The following ABHD5 variants were observed in gnomAD, a reference collection of about 807,000 sequenced individuals.
ABHD5 encodes the protein abhydrolase domain containing 5, lysophosphatidic acid acyltransferase.
ABHD5 carries 30 observed loss-of-function variants against 44.9 expected under a neutral mutation model. That is an observed-to-expected ratio of 0.67 (90% CI 0.50 to 0.91). The LOEUF is 0.91. ABHD5 is among the 40% of genes least tolerant of loss of function. ABHD5 has a pLI of 0.00. For missense variants in ABHD5, 399 were observed against 423.4 expected (o/e 0.94, Z 0.50); for synonymous variants, 167 against 147.0 (o/e 1.14, Z -0.99).
At chr3:43,707,990 C>G (rs890696025) in intron 3 of ABHD5, among the ~76,000 whole-genome samples, 1 of 152,198 alleles carries the variant, frequency 6.6e-6, no homozygotes, top group Non-Finnish European at 1.5e-5. Flanking sequence ...TCATGAAGGT[C>G]AGGCTTATCT....
chr3:43,695,398 G>A (rs114154348), intron 1 of ABHD5, among the ~76,000 whole-genome samples: 13,083 of 152,124 alleles, frequency 0.086, 768 homozygotes, highest in South Asian at 0.21. Context: ...ATGAGATAGA[G>A]AGCTGTGCTT....
At chr3:43,691,620 A>G (rs2084387879) in intron 1 of ABHD5, 1 of 152,308 alleles carries the variant, frequency 6.6e-6, no homozygotes. Flanking sequence ...TCGCCCGGGA[A>G]GCGGCGGGAG....
intron 4 of ABHD5, 143 bp from the exon 5 acceptor site, chr3:43,714,804 C>T (rs1346540605): frequency 1.7e-6 from 1 of 576,228 alleles, no homozygotes; most frequent in Non-Finnish European, 3.2e-6. Context: ...CTTTTTCCCA[C>T]CTACAATATA....
intron 3 of ABHD5, 65 bp downstream of exon 3, chr3:43,702,652 A>G: frequency 1.2e-6 from 2 of 1,612,662 alleles, no homozygotes; most frequent in Non-Finnish European, 1.7e-6. Flanking sequence ...TCTAGTTCCC[A>G]TCTTTGGTGG....
chr3:43,702,351 C>G lies in ABHD5; in HGVS notation c.270C>G (p.Leu90=). Residue 90 remains leucine (L), a synonymous_variant, in exon 3 of 7, where the codon CTC becomes CTG. Coordinates refer to ENST00000644371, the MANE Select transcript of ABHD5 (RefSeq NM_016006.6). The part of the protein sequence containing the change: ...LLHGFGGGLG[L]WALNFGDLCT... Reference sequence around the variant, plus strand: ...ATGGTTTTGGAGGAGGTCTTGGGCTCTGGGCACTGAATTTTGGAGATCTTT... The same window carrying G: ...ATGGTTTTGGAGGAGGTCTTGGGCTGTGGGCACTGAATTTTGGAGATCTTT... 1 of 1,614,144 alleles carries G rather than the reference C, an allele frequency of 6.2e-7. No homozygotes were observed. Among genetic ancestry groups the G allele is most frequent in the Non-Finnish European group, 8.5e-7 (1 of 1,180,010 alleles).
chr3:43,700,706 T>C (rs1404733119), intron 2 of ABHD5, among the ~76,000 whole-genome samples: 1 of 146,506 alleles, frequency 6.8e-6, no homozygotes, highest in Non-Finnish European at 1.5e-5. Context: ...CCCAAGTAGC[T>C]GGGATTACAG....
chr3:43,724,482 C>T (rs894583125), downstream of ABHD5, among the ~76,000 whole-genome samples: 1 of 152,160 alleles, frequency 6.6e-6, no homozygotes, highest in African/African-American at 2.4e-5. Flanking sequence ...CCCACAGATA[C>T]TCCAGCTTCA....
intron 4 of ABHD5, among the ~76,000 whole-genome samples, chr3:43,712,363 A>G (rs1012236178): frequency 6.6e-6 from 1 of 152,210 alleles, no homozygotes; most frequent in African/African-American, 2.4e-5. Context: ...AGTGTTGGAA[A>G]GATAAAGTTA....
At chr3:43,701,596 A>C (rs115609090) in intron 2 of ABHD5, among the ~76,000 whole-genome samples, 1 of 152,194 alleles carries the variant, frequency 6.6e-6, no homozygotes, top group Non-Finnish European at 1.5e-5. Flanking sequence ...TGCTTTTTCT[A>C]GGAGATTACT....
intron 2 of ABHD5, among the ~76,000 whole-genome samples, chr3:43,700,414 A>G (rs2084527318): frequency 6.6e-6 from 1 of 152,156 alleles, no homozygotes; most frequent in East Asian, 1.9e-4. Context: ...AGTACCATTC[A>G]TATTCATGTG....
At chr3:43,723,340 A>G (rs867628640), downstream of ABHD5, among the ~76,000 whole-genome samples, 5 of 152,220 alleles carry the variant, frequency 3.3e-5, no homozygotes, top group South Asian at 2.1e-4. Flanking sequence ...TCATGTAAGA[A>G]TCATAGGTAA....
intron 4 of ABHD5, among the ~76,000 whole-genome samples, chr3:43,713,400 T>TG (rs2084714920): frequency 1.3e-5 from 2 of 149,396 alleles, no homozygotes; most frequent in Admixed American, 6.7e-5. Context: ...AGAAGAGGCA[T>TG]GGGGGTGTGG....
At chr3:43,704,808 A>G (rs1221253764) in intron 3 of ABHD5, among the ~76,000 whole-genome samples, 1 of 152,248 alleles carries the variant, frequency 6.6e-6, no homozygotes, top group Non-Finnish European at 1.5e-5. Flanking sequence ...TTTGTGTCTA[A>G]TGCTAGAAAT....
chr3:43,725,946 A>G (rs2084875017), downstream of ABHD5, among the ~76,000 whole-genome samples: 1 of 151,620 alleles, frequency 6.6e-6, no homozygotes, highest in Non-Finnish European at 1.5e-5. Flanking sequence ...GCTCACTGCA[A>G]GCTCCGCCTC....
chr3:43,725,179 C>G (rs2084869400), downstream of ABHD5, among the ~76,000 whole-genome samples: 2 of 152,152 alleles, frequency 1.3e-5, no homozygotes, highest in Non-Finnish European at 2.9e-5. Context: ...CAATACAAAA[C>G]TGCCCTTTTT....
chr3:43,699,128 G>T, intron 1 of ABHD5, 148 bp from the exon 2 acceptor site: 1 of 722,958 alleles, frequency 1.4e-6, no homozygotes, highest in Non-Finnish European at 2.5e-6. Flanking sequence ...ACCATGCTTT[G>T]TGCATGTTAG....
chr3:43,704,371 G>A (rs2084589194), intron 3 of ABHD5, among the ~76,000 whole-genome samples: 4 of 152,180 alleles, frequency 2.6e-5, no homozygotes, highest in Admixed American at 2.6e-4. Context: ...CCTACTCTTA[G>A]TGACAAACAC....
chr3:43,703,607 A>G (rs2084576552), intron 3 of ABHD5, among the ~76,000 whole-genome samples: 1 of 152,250 alleles, frequency 6.6e-6, no homozygotes, highest in Non-Finnish European at 1.5e-5. Context: ...GAAAGAAACA[A>G]CAAAAAATGA....
chr3:43,690,902 C>A, upstream of ABHD5: 1 of 1,388,840 alleles, frequency 7.2e-7, no homozygotes, highest in Non-Finnish European at 9.5e-7. Flanking sequence ...TGGCGGCCTG[C>A]GCCGCCTTAA....
Sources: allele counts gnomAD v4.1 joint callset (sites outside exome capture counted in the v4.1 genomes callset), GRCh38; gene constraint gnomAD v4.1.1; transcripts MANE v1.5; gene names NCBI Gene and HGNC (gene_info 2026-07-23, HGNC 2026-07-21).